The following TNFSF13B variants were observed in gnomAD, a reference collection of about 807,000 sequenced individuals.
TNFSF13B encodes the protein TNF superfamily member 13b.
Under a neutral mutation model 29.1 loss-of-function variants are expected in TNFSF13B, and 8 were observed. The observed-to-expected ratio is 0.27, with a 90% CI of 0.16 to 0.50. The LOEUF (loss-of-function observed/expected upper bound fraction) is 0.50, where lower values mean the gene tolerates loss of function less well. TNFSF13B is among the 20% of genes least tolerant of loss of function. The pLI, the probability that TNFSF13B is intolerant of heterozygous loss-of-function variation, is 0.98. For synonymous variants in TNFSF13B, 125 were observed against 130.8 expected (o/e 0.96, Z 0.30); for missense variants, 248 against 334.9 (o/e 0.74, Z 2.03).
At chr13:108,296,612 T>A (rs1285973046) in intron 3 of TNFSF13B, among the ~76,000 whole-genome samples, 1 of 146,050 alleles carries the variant, frequency 6.8e-6, no homozygotes. Flanking sequence ...TCATTTATAT[T>A]TAAAGTGATT....
Position 108,298,968 on chromosome 13 carries a change from AAAAC to A in TNFSF13B, c.482-4265_482-4262del, listed in dbSNP as rs879814003. Among the ~76,000 whole-genome samples the A allele has an allele frequency of 7.8e-4, 113 of 145,456 alleles. 18 individuals are homozygous for A. Among genetic ancestry groups the A allele is most frequent in the Admixed American group, 6.8e-4 (10 of 14,658 alleles). On this transcript the variant is annotated intron_variant, in intron 3 of 5. Transcript: ENST00000375887. ...CTGGGCGACAGAGCAAGACTTGGGA[AAAAC>A]AAACAAACAAACAAACAAAAAACAA... is the stretch of plus-strand genomic sequence containing the variant.
At position 108,303,480 on chromosome 13, in the gene TNFSF13B, C is replaced by T; in HGVS notation, c.621C>T (p.Ala207=). 3.1e-6 allele frequency: 5 copies of T among 1,613,452 alleles called. No homozygotes were observed. Among genetic ancestry groups the T allele is most frequent in the Non-Finnish European group, 4.2e-6 (5 of 1,179,740 alleles). The stretch of plus-strand genomic sequence containing the variant: ...TTTTATATACTGATAAGACCTACGC[C>T]ATGGGACATCTAATTCAGAGGAAGA... The part of the protein sequence containing the change: ...GQVLYTDKTY[A]MGHLIQRKKV... The change falls in exon 5 of 6, where the codon GCC becomes GCT. Residue 207 remains alanine (A), a synonymous_variant. Transcript: ENST00000375887.
At chr13:108,290,631 G>A (rs967453060) in intron 3 of TNFSF13B, among the ~76,000 whole-genome samples, 24 of 148,324 alleles carry the variant, frequency 1.6e-4, no homozygotes, top group African/African-American at 4.5e-4. Flanking sequence ...CCATTTTTTC[G>A]TTGGACTTGG....
intron 3 of TNFSF13B, among the ~76,000 whole-genome samples, chr13:108,301,487 G>A (rs1009098396): frequency 2.0e-5 from 3 of 152,164 alleles, no homozygotes; most frequent in Non-Finnish European, 4.4e-5. Context: ...AAACCCTGTT[G>A]TTTGCAGTAA....
intron 3 of TNFSF13B, chr13:108,302,890 A>G: frequency 3.0e-6 from 3 of 987,064 alleles, no homozygotes; most frequent in Non-Finnish European, 3.6e-6. Flanking sequence ...GAAAATCTCT[A>G]CTAGTGTGTT....
chr13:108,293,547 A>G (rs897518173), intron 3 of TNFSF13B, among the ~76,000 whole-genome samples: 1 of 152,180 alleles, frequency 6.6e-6, no homozygotes, highest in Non-Finnish European at 1.5e-5. Flanking sequence ...AAATCTATCA[A>G]TCCATGAACA....
At position 108,303,253 on chromosome 13, in the gene TNFSF13B, G is replaced by A. The variant is rs773976500; in HGVS notation, c.482G>A (p.Gly161Glu). Residue 161 changes from glycine to glutamate, a missense_variant and splice_region_variant, in exon 4 of 6, where the codon GGA becomes GAA. Gly to Glu is a moderately conservative substitution (Grantham distance 98). This residue lies in a region of TNFSF13B where 186 missense variants were observed against 196.3 expected (regional missense o/e 0.95). Coordinates refer to ENST00000375887, the MANE Select transcript of TNFSF13B (RefSeq NM_006573.5). ...ADSETPTIQK[G>E]SYTFVPWLLS... ...TTATAAATGATTCTCTTCATTGCAG[G>A]ATCTTACACATTTGTTCCATGGCTT... 6 of 1,601,128 alleles carry A rather than the reference G, an allele frequency of 3.7e-6. No individual in the cohort carries two copies. Among genetic ancestry groups the A allele is most frequent in the Admixed American group, 1.7e-5 (1 of 58,540 alleles).
At chr13:108,282,151 TCTCATCTGGA>T (rs1880976218) in intron 2 of TNFSF13B, among the ~76,000 whole-genome samples, 1 of 152,166 alleles carries the variant, frequency 6.6e-6, no homozygotes, top group Admixed American at 6.5e-5. Context: ...AGGACTTACA[TCTCATCTGGA>T]GGAGGCTTCT....
intron 3 of TNFSF13B, 32 bp from the exon 4 acceptor site, chr13:108,303,221 T>C: frequency 6.7e-7 from 1 of 1,502,870 alleles, no homozygotes; most frequent in Non-Finnish European, 9.1e-7. Context: ...TTTCTTGGTT[T>C]CTTTCCTTAT....
intron 3 of TNFSF13B, among the ~76,000 whole-genome samples, chr13:108,295,542 A>T (rs1457436193): frequency 7.0e-6 from 1 of 143,728 alleles, no homozygotes; most frequent in African/African-American, 2.6e-5. Flanking sequence ...CTTCTTTATT[A>T]TATTATCTGA....
At chr13:108,281,602 T>A (rs1880959348) in intron 2 of TNFSF13B, among the ~76,000 whole-genome samples, 1 of 152,190 alleles carries the variant, frequency 6.6e-6, no homozygotes, top group Non-Finnish European at 1.5e-5. Flanking sequence ...GACAGGAACA[T>A]GATTTTCCTC....
intron 2 of TNFSF13B, among the ~76,000 whole-genome samples, chr13:108,274,896 C>T (rs1290473197): frequency 1.3e-5 from 2 of 152,160 alleles, no homozygotes; most frequent in Non-Finnish European, 2.9e-5. Context: ...CATCAGCCAA[C>T]ATGTCCCAAT....
In TNFSF13B at chr13:108,298,762, G is replaced by A. The variant is rs997494205; in HGVS notation, c.482-4491G>A. 4.8e-5 allele frequency among the ~76,000 whole-genome samples: 7 copies of A among 144,870 alleles called. 2 individuals are homozygous for A. Among genetic ancestry groups the A allele is most frequent in the African/African-American group, 1.6e-4 (6 of 38,414 alleles). On this transcript the variant is annotated intron_variant, in intron 3 of 5. Transcript: ENST00000375887. ...GAGGCCAAGGCAGGATCACAAGGTC[G>A]GGAGTTTGAGACCAGCCTGGCCAAT...
At chr13:108,290,454 C>T (rs1881272645) in intron 3 of TNFSF13B, among the ~76,000 whole-genome samples, 2 of 152,128 alleles carry the variant, frequency 1.3e-5, no homozygotes, top group African/African-American at 4.8e-5. Flanking sequence ...TATGCTATCA[C>T]TTGCAGCAAA....
intron 3 of TNFSF13B, chr13:108,303,007 C>A: frequency 4.2e-6 from 2 of 474,378 alleles, no homozygotes; most frequent in Non-Finnish European, 6.5e-6. Context: ...CCCAGACATT[C>A]ATATAAAGGG....
At chr13:108,294,438 C>T (rs1881411050) in intron 3 of TNFSF13B, among the ~76,000 whole-genome samples, 1 of 152,086 alleles carries the variant, frequency 6.6e-6, no homozygotes, top group African/African-American at 2.4e-5. Flanking sequence ...CCTCAGCCTC[C>T]CAAAGTGTTA....
chr13:108,290,893 A>C (rs1881286520), intron 3 of TNFSF13B, among the ~76,000 whole-genome samples: 1 of 151,948 alleles, frequency 6.6e-6, no homozygotes, highest in African/African-American at 2.4e-5. Flanking sequence ...TTCTACCTTT[A>C]AATACTTTAT....
At chr13:108,280,283 G>A (rs1192820138) in intron 2 of TNFSF13B, among the ~76,000 whole-genome samples, 1 of 152,028 alleles carries the variant, frequency 6.6e-6, no homozygotes, top group Non-Finnish European at 1.5e-5. Flanking sequence ...GCAACTCAGA[G>A]GATAGTTATA....
chr13:108,299,971 T>C (rs1881567314), intron 3 of TNFSF13B, among the ~76,000 whole-genome samples: 1 of 152,190 alleles, frequency 6.6e-6, no homozygotes, highest in South Asian at 2.1e-4. Context: ...TGACATTTAC[T>C]AAGAAGTGGG....
Sources: allele counts gnomAD v4.1 joint callset (sites outside exome capture counted in the v4.1 genomes callset), GRCh38; gene constraint gnomAD v4.1.1; regional missense constraint gnomAD v4.1.1; transcripts MANE v1.5; gene names NCBI Gene and HGNC (gene_info 2026-07-23, HGNC 2026-07-21).